The following SOX4 variants were observed in gnomAD, a reference collection of about 807,000 sequenced individuals.
SOX4 encodes SRY-box transcription factor 4.
For synonymous variants in SOX4, 465 were observed against 348.4 expected (o/e 1.33, Z -3.73); for missense variants, 662 against 694.9 (o/e 0.95, Z 0.53).
chr6:21,596,158 C>A lies in SOX4; in HGVS notation c.*199C>A. ...GGCGTTTTGGACCCGCGCTCCCATC[C>A]CCCACCTTCCCGGGCCGGGGACCCA... On this transcript the variant is annotated 3_prime_UTR_variant, in exon 1 of 1. Transcript: ENST00000244745. 1.2e-6 allele frequency: 1 copy of A among 841,496 alleles called. No homozygotes were observed. The highest frequency in any genetic ancestry group is 1.7e-6 in the Non-Finnish European group (1 of 593,640). The allele number at this position is 841,496 out of a possible 1,614,324, so 52.1% of individuals were successfully genotyped here. A position where few individuals can be genotyped will look rare whatever the true frequency, so the allele number is the denominator to read the frequency against.
chr6:21,594,752 A>G lies in SOX4; in HGVS notation c.218A>G (p.Glu73Gly), dbSNP rs1316231705. ...GCCTTCATGGTGTGGTCGCAGATCG[A>G]GCGGCGCAAGATCATGGAGCAGTCG... ...MNAFMVWSQI[E>G]RRKIMEQSPD... Residue 73 changes from glutamate to glycine, a missense_variant, in exon 1 of 1, where the codon GAG becomes GGG. Transcript: ENST00000244745. The G allele has an allele frequency of 6.3e-7, 1 of 1,598,002 alleles. No individual in the cohort carries two copies. Among genetic ancestry groups the G allele is most frequent in the East Asian group, 2.3e-5 (1 of 44,336 alleles).
Position 21,595,493 on chromosome 6 carries a change from A to G in SOX4, c.959A>G (p.Asp320Gly). The G allele has an allele frequency of 7.1e-7, 1 of 1,409,150 alleles. No individual in the cohort carries two copies. Among genetic ancestry groups the G allele is most frequent in the Non-Finnish European group, 9.2e-7 (1 of 1,083,602 alleles). The allele number at this position is 1,409,150 out of a possible 1,614,324, so 87.3% of individuals were successfully genotyped here. A position where few individuals can be genotyped will look rare whatever the true frequency, so the allele number is the denominator to read the frequency against. Reference sequence around the variant, plus strand: ...GTGGGCGCGGGAGCCGACCCCAGCGACCCCCTGGGCCTGTACGAGGAGGAG... The same window carrying G: ...GTGGGCGCGGGAGCCGACCCCAGCGGCCCCCTGGGCCTGTACGAGGAGGAG... ...GGVGAGADPS[D>G]PLGLYEEEGA... The change falls in exon 1 of 1, where the codon GAC (aspartate) becomes GGC (glycine). Residue 320 changes from aspartate (D) to glycine (G), a missense_variant. By Grantham distance (94) the Asp-to-Gly change is moderately conservative. Coordinates refer to ENST00000244745, the MANE Select transcript of SOX4 (RefSeq NM_003107.3).
rs1582602131 is a variant in SOX4, at chr6:21,595,168, A to G, written c.634A>G (p.Ser212Gly). 2 of 1,301,798 alleles carry G rather than the reference A, an allele frequency of 1.5e-6. No homozygotes were observed. The highest frequency in any genetic ancestry group is 1.9e-6 in the Non-Finnish European group (2 of 1,033,862). 80.6% of individuals were successfully genotyped at this position (1,301,798 alleles called of 1,614,324 possible). A position where few individuals can be genotyped will look rare whatever the true frequency, so the allele number is the denominator to read the frequency against. Residue 212 changes from serine (S) to glycine (G), a missense_variant, in exon 1 of 1, where the codon AGC becomes GGC. Transcript: ENST00000244745. The part of the protein sequence containing the change: ...KVAGGAGGGV[S>G]KPHAKLILAG... ...GGCGGGCGGCGCGGGCGGTGGGGTT[A>G]GCAAACCGCACGCCAAGCTCATCCT...
chr6:21,595,711 G>A lies in SOX4; in HGVS notation c.1177G>A (p.Gly393Ser). The A allele has an allele frequency of 6.2e-7, 1 of 1,606,540 alleles. No homozygotes were observed. Among genetic ancestry groups the A allele is most frequent in the Non-Finnish European group, 8.5e-7 (1 of 1,176,992 alleles). Reference sequence around the variant, plus strand: ...CCACTCCTCCTCTTCCTCCTCCTCGGGCTCCTCGTCCTCCGACGACGAGTT... The same window carrying A: ...CCACTCCTCCTCTTCCTCCTCCTCGAGCTCCTCGTCCTCCGACGACGAGTT... ...SSHSSSSSSS[G>S]SSSSDDEFED... Residue 393 changes from glycine to serine, a missense_variant, in exon 1 of 1, where the codon GGC becomes AGC. Coordinates refer to ENST00000244745, the MANE Select transcript of SOX4 (RefSeq NM_003107.3).
In SOX4 at chr6:21,594,844, G is replaced by A. The variant is rs1763101264; in HGVS notation, c.310G>A (p.Asp104Asn). The A allele has an allele frequency of 6.2e-7, 1 of 1,611,510 alleles. No homozygotes were observed. Among genetic ancestry groups the A allele is most frequent in the Non-Finnish European group, 8.5e-7 (1 of 1,179,048 alleles). ...ACGCTGGAAGCTGCTCAAAGACAGC[G>A]ACAAGATCCCTTTCATTCGAGAGGC... ...GKRWKLLKDS[D>N]KIPFIREAER... is the part of the protein sequence containing the mutation. Residue 104 changes from aspartate to asparagine, a missense_variant, in exon 1 of 1, where the codon GAC (aspartate) becomes AAC (asparagine). Coordinates refer to ENST00000244745, the MANE Select transcript of SOX4 (RefSeq NM_003107.3).
chr6:21,595,613 G>C lies in SOX4; in HGVS notation c.1079G>C (p.Gly360Ala). Reference protein sequence around the residue: ...AAGRSPADHRGYASLRAASPA... With the variant: ...AAGRSPADHRAYASLRAASPA... The stretch of plus-strand genomic sequence containing the variant: ...GGCCGCTCGCCCGCCGACCACCGCG[G>C]CTACGCCAGCCTGCGCGCCGCCTCG... The change falls in exon 1 of 1, where the codon GGC becomes GCC. Residue 360 changes from glycine (G) to alanine (A), a missense_variant. By Grantham distance (60) the Gly-to-Ala change is moderately conservative. Coordinates refer to ENST00000244745, the MANE Select transcript of SOX4 (RefSeq NM_003107.3). The C allele has an allele frequency of 7.8e-7, 1 of 1,281,890 alleles. No individual in the cohort carries two copies. The highest frequency in any genetic ancestry group is 9.9e-7 in the Non-Finnish European group (1 of 1,012,808). 79.4% of individuals were successfully genotyped at this position (1,281,890 alleles called of 1,614,324 possible). A position where few individuals can be genotyped will look rare whatever the true frequency, so the allele number is the denominator to read the frequency against.
At position 21,597,511 on chromosome 6, in the gene SOX4, C is replaced by CTTTTTTTTTCTTTTTTT. The variant is rs1763194447; in HGVS notation, c.*1561_*1562insCTTTTTTTTTTTTTTTT. Reference sequence around the variant, plus strand: ...TTTATTCCTTCCTTTTCCTTTTTTTCTTTTTTTTTTCTTTTTTTTTTTTTT... The same window carrying CTTTTTTTTTCTTTTTTT: ...TTTATTCCTTCCTTTTCCTTTTTTTCTTTTTTTTTCTTTTTTTTTTTTTTTTTCTTTTTTTTTTTTTT... On this transcript the variant is annotated 3_prime_UTR_variant, in exon 1 of 1. Coordinates refer to ENST00000244745, the MANE Select transcript of SOX4 (RefSeq NM_003107.3). 6 of 101,940 alleles carry CTTTTTTTTTCTTTTTTT rather than the reference C, an allele frequency of 5.9e-5. No homozygotes were observed. The highest frequency in any genetic ancestry group is 1.9e-4 in the African/African-American group (5 of 25,874). 6.3% of individuals were successfully genotyped at this position (101,940 alleles called of 1,614,324 possible).
chr6:21,595,933 A>G lies in SOX4; in HGVS notation c.1399A>G (p.Ile467Val). The change falls in exon 1 of 1, where the codon ATC becomes GTC. Residue 467 changes from isoleucine to valine, a missense_variant. By Grantham distance (29) the Ile-to-Val change is conservative. Coordinates refer to ENST00000244745, the MANE Select transcript of SOX4 (RefSeq NM_003107.3). ...MISGDWLESSISNLVFTY is the reference protein window; with the variant it reads ...MISGDWLESSVSNLVFTY ...CTCGGGAGACTGGCTCGAGTCCAGCATCTCCAACCTGGTTTTCACCTACTG... is the reference window on the plus strand; with the variant it reads ...CTCGGGAGACTGGCTCGAGTCCAGCGTCTCCAACCTGGTTTTCACCTACTG... 1.3e-6 allele frequency: 2 copies of G among 1,572,576 alleles called. No individual in the cohort carries two copies. Among genetic ancestry groups the G allele is most frequent in the Non-Finnish European group, 1.7e-6 (2 of 1,159,640 alleles).
chr6:21,594,419 C>T lies in SOX4; in HGVS notation c.-116C>T. 9.3e-6 allele frequency: 12 copies of T among 1,294,898 alleles called. No homozygotes were observed. The highest frequency in any genetic ancestry group is 1.1e-5 in the Non-Finnish European group (11 of 1,024,632). 80.2% of individuals were successfully genotyped at this position (1,294,898 alleles called of 1,614,324 possible). The stretch of plus-strand genomic sequence containing the variant: ...GGAGTTGAGGGGCCAGTTCGGCCGC[C>T]GCGCGCGTCTTCCCGTTCGGCGTGT... On this transcript the variant is annotated 5_prime_UTR_variant, in exon 1 of 1. Coordinates refer to ENST00000244745, the MANE Select transcript of SOX4 (RefSeq NM_003107.3).
chr6:21,596,018 A>G lies in SOX4; in HGVS notation c.*59A>G, dbSNP rs1046571107. The G allele has an allele frequency of 6.9e-7, 1 of 1,440,954 alleles. No homozygotes were observed. The highest frequency in any genetic ancestry group is 9.1e-7 in the Non-Finnish European group (1 of 1,096,490). 89.3% of individuals were successfully genotyped at this position (1,440,954 alleles called of 1,614,324 possible). On this transcript the variant is annotated 3_prime_UTR_variant, in exon 1 of 1. Transcript: ENST00000244745. ...GTAGGAGAGGAGAAAAAAAAAGTGA[A>G]AAAAAGAAACGAAAAGGACAGACGA...
In SOX4 at chr6:21,596,084, G is replaced by T. The variant is rs79958549; in HGVS notation, c.*125G>T. On this transcript the variant is annotated 3_prime_UTR_variant, in exon 1 of 1. Coordinates refer to ENST00000244745, the MANE Select transcript of SOX4 (RefSeq NM_003107.3). ...AAGGGAAAAAAGAAAGAAAAAGTAA[G>T]CAGGGCTGGCTTCGCCCGCGTTCTC... 1 of 1,363,604 alleles carries T rather than the reference G, an allele frequency of 7.3e-7. No homozygotes were observed. The highest frequency in any genetic ancestry group is 1.8e-5 in the South Asian group (1 of 56,768). 84.5% of individuals were successfully genotyped at this position (1,363,604 alleles called of 1,614,324 possible).
In SOX4 at chr6:21,595,065, G is replaced by T; in HGVS notation, c.531G>T (p.Ala177=). The change falls in exon 1 of 1, where the codon GCG becomes GCT. Residue 177 remains alanine (A), a synonymous_variant. Transcript: ENST00000244745. ...GCGGCGGCGGCGGGAGCAGCAACGC[G>T]GGGGGAGGAGGCGGCGGTGCGAGTG... ...GGGGGGGSSN[A]GGGGGGASGG... 3 of 1,416,776 alleles carry T rather than the reference G, an allele frequency of 2.1e-6. No homozygotes were observed. Among genetic ancestry groups the T allele is most frequent in the South Asian group, 1.6e-5 (1 of 63,580 alleles). 87.8% of individuals were successfully genotyped at this position (1,416,776 alleles called of 1,614,324 possible). A position where few individuals can be genotyped will look rare whatever the true frequency, so the allele number is the denominator to read the frequency against.
At position 21,594,487 on chromosome 6, in the gene SOX4, G is replaced by A. The variant is rs919059258; in HGVS notation, c.-48G>A. ...GGGAGGGCCCGGCGATCGCGCGGCG[G>A]CCGCCGCGAGGGTGTGAGCGCGCGT... On this transcript the variant is annotated 5_prime_UTR_variant, in exon 1 of 1. Transcript: ENST00000244745. 10 of 1,360,640 alleles carry A rather than the reference G, an allele frequency of 7.3e-6. No individual in the cohort carries two copies. The highest frequency in any genetic ancestry group is 9.4e-6 in the Non-Finnish European group (10 of 1,064,582). 84.3% of individuals were successfully genotyped at this position (1,360,640 alleles called of 1,614,324 possible).
chr6:21,595,813 G>A lies in SOX4; in HGVS notation c.1279G>A (p.Ala427Thr), dbSNP rs1243185351. The A allele has an allele frequency of 2.5e-6, 4 of 1,613,378 alleles. No individual in the cohort carries two copies. The highest frequency in any genetic ancestry group is 3.4e-6 in the Non-Finnish European group (4 of 1,179,980). ...CCTGGGCAGCTTCAGTTCGTCGTCG[G>A]CGCTCGACCGGGACCTGGATTTTAA... The part of the protein sequence containing the change: ...MSLGSFSSSS[A>T]LDRDLDFNFE... Residue 427 changes from alanine (A) to threonine (T), a missense_variant, in exon 1 of 1, where the codon GCG becomes ACG. Coordinates refer to ENST00000244745, the MANE Select transcript of SOX4 (RefSeq NM_003107.3).
chr6:21,598,458 C>G lies in SOX4; in HGVS notation c.*2499C>G, dbSNP rs776959407. 1.8e-5 allele frequency: 3 copies of G among 166,680 alleles called. No individual in the cohort carries two copies. The highest frequency in any genetic ancestry group is 2.9e-5 in the Non-Finnish European group (2 of 68,042). 10.3% of individuals were successfully genotyped at this position (166,680 alleles called of 1,614,324 possible). A position where few individuals can be genotyped will look rare whatever the true frequency, so the allele number is the denominator to read the frequency against. ...GCAATATGCCGTGTAGAATATTTGT[C>G]TTAAAATTCAAGGCCACAAAAACAA... On this transcript the variant is annotated 3_prime_UTR_variant, in exon 1 of 1. Transcript: ENST00000244745.
chr6:21,594,702 TG>T lies in SOX4; in HGVS notation c.171del (p.His58ThrfsTer6). On this transcript the variant is annotated frameshift_variant, in exon 1 of 1. Coordinates refer to ENST00000244745, the MANE Select transcript of SOX4 (RefSeq NM_003107.3). LOFTEE classifies it low-confidence loss of function (END_TRUNC). ...DDPSWCKTPS[G>X]HIKRPMNAFM... Reference sequence around the variant, plus strand: ...ACCCGAGCTGGTGCAAGACCCCGAGTGGGCACATCAAGCGACCCATGAACGC... The same window carrying T: ...ACCCGAGCTGGTGCAAGACCCCGAGTGGCACATCAAGCGACCCATGAACGC... The T allele has an allele frequency of 6.3e-7, 1 of 1,596,786 alleles. No individual in the cohort carries two copies. The highest frequency in any genetic ancestry group is 1.1e-5 in the South Asian group (1 of 88,934).
Position 21,594,951 on chromosome 6 carries a change from C to G in SOX4, c.417C>G (p.Ala139=). The change falls in exon 1 of 1, where the codon GCC becomes GCG. Residue 139 remains alanine (A), a synonymous_variant. Coordinates refer to ENST00000244745, the MANE Select transcript of SOX4 (RefSeq NM_003107.3). ...RPRKKVKSGN[A]NSSSSAAASS... The stretch of plus-strand genomic sequence containing the variant: ...GGAAGAAGGTGAAGTCCGGCAACGC[C>G]AACTCCAGCTCCTCGGCCGCCGCCT... 1 of 1,609,482 alleles carries G rather than the reference C, an allele frequency of 6.2e-7. No homozygotes were observed. The highest frequency in any genetic ancestry group is 1.1e-5 in the South Asian group (1 of 90,362).
Position 21,595,103 on chromosome 6 carries a change from A to C in SOX4, c.569A>C (p.Asn190Thr), listed in dbSNP as rs1245426760. 120 of 1,383,782 alleles carry C rather than the reference A, an allele frequency of 8.7e-5. No individual in the cohort carries two copies. The highest frequency in any genetic ancestry group is 1.1e-4 in the Non-Finnish European group (117 of 1,077,150). 85.7% of individuals were successfully genotyped at this position (1,383,782 alleles called of 1,614,324 possible). Reference protein sequence around the residue: ...GGGGASGGGANSKPAQKKSCG... With the variant: ...GGGGASGGGATSKPAQKKSCG... Reference sequence around the variant, plus strand: ...GGCGGTGCGAGTGGCGGCGGCGCCAACTCCAAACCGGCGCAGAAAAAGAGC... The same window carrying C: ...GGCGGTGCGAGTGGCGGCGGCGCCACCTCCAAACCGGCGCAGAAAAAGAGC... Residue 190 changes from asparagine (N) to threonine (T), a missense_variant, in exon 1 of 1, where the codon AAC (asparagine) becomes ACC (threonine). Coordinates refer to ENST00000244745, the MANE Select transcript of SOX4 (RefSeq NM_003107.3).
In SOX4 at chr6:21,594,629, C is replaced by T; in HGVS notation, c.95C>T (p.Ser32Phe). ...SGAGLELGIASSPTPGSTAST... is the reference protein window; with the variant it reads ...SGAGLELGIAFSPTPGSTAST... ...GCCGGCCTCGAGCTGGGAATCGCCT[C>T]CTCCCCCACGCCCGGCTCCACCGCC... is the stretch of plus-strand genomic sequence containing the variant. Residue 32 changes from serine (S) to phenylalanine (F), a missense_variant, in exon 1 of 1, where the codon TCC (serine) becomes TTC (phenylalanine). Physicochemically the swap from Ser to Phe is radical, Grantham distance 155 (BLOSUM62 -2). Transcript: ENST00000244745. The T allele has an allele frequency of 1.2e-6, 2 of 1,606,356 alleles. No individual in the cohort carries two copies. The highest frequency in any genetic ancestry group is 8.5e-7 in the Non-Finnish European group (1 of 1,177,344).
Sources: allele counts gnomAD v4.1 joint callset, GRCh38; gene constraint gnomAD v4.1.1; transcripts MANE v1.5; gene names NCBI Gene and HGNC (gene_info 2026-07-23, HGNC 2026-07-21).